Variants in TRMO observed in about 807,000 individuals in gnomAD.
TRMO encodes the protein tRNA methyltransferase O, also known as tRNA (adenine(37)-N6)-methyltransferase.
Under a neutral mutation model 37.2 loss-of-function variants are expected in TRMO, and 30 were observed. The observed-to-expected ratio is 0.81, with a 90% confidence interval of 0.60 to 1.09. The LOEUF is 1.09. Among genes scored for constraint, TRMO ranks in the 50% least tolerant of loss-of-function variants. The pLI, the probability that TRMO is intolerant of heterozygous loss-of-function variation, is 0.00. For missense variants in TRMO, 552 were observed against 549.5 expected (o/e 1.00, Z -0.05); for synonymous variants, 239 against 199.4 (o/e 1.20, Z -1.67).
At chr9:97,908,136 G>A (rs1564105429) in intron 4 of TRMO, among the ~76,000 whole-genome samples, 1 of 152,116 alleles carries the variant, frequency 6.6e-6, no homozygotes, top group Non-Finnish European at 1.5e-5. Context: ...AAATAGGTTG[G>A]GCACGGTGGC....
At chr9:97,907,166 G>A (rs763731894) in intron 4 of TRMO, among the ~76,000 whole-genome samples, 3 of 152,226 alleles carry the variant, frequency 2.0e-5, no homozygotes, top group Admixed American at 6.5e-5. Context: ...TCATGACCAC[G>A]AGACTGCCGT....
At chr9:97,900,198 A>G (rs1831140147), downstream of TRMO, among the ~76,000 whole-genome samples, 1 of 152,244 alleles carries the variant, frequency 6.6e-6, no homozygotes, top group African/African-American at 2.4e-5. Context: ...GAGAAACACA[A>G]TAAAAATATT....
At chr9:97,917,419 T>C (rs1587841487) in intron 1 of TRMO, among the ~76,000 whole-genome samples, 1 of 152,236 alleles carries the variant, frequency 6.6e-6, no homozygotes, top group African/African-American at 2.4e-5. Flanking sequence ...GCAGTTTTTC[T>C]GTCTCATTTA....
chr9:97,916,403 G>T, intron 1 of TRMO, 65 bp from the exon 2 acceptor site: 1 of 1,188,612 alleles, frequency 8.4e-7, no homozygotes, highest in African/African-American at 1.5e-5. Flanking sequence ...AAGAAAACAT[G>T]TTTTCTCTAA....
chr9:97,905,020 A>G, intron 4 of TRMO, 28 bp from the exon 5 acceptor site: 1 of 1,606,336 alleles, frequency 6.2e-7, no homozygotes, highest in Non-Finnish European at 8.5e-7. Flanking sequence ...CAACTTAATG[A>G]GCACTATCAT....
In TRMO at chr9:97,910,273, T is replaced by C; in HGVS notation, c.753A>G (p.Ala251=). ...QQAFPMHREI[A]VDFGLESRRD... is the part of the protein sequence containing the mutation. ...GTCTTGATTCCAAACCAAAATCCAC[T>C]GCTATCTCCCTGTGCATAGGAAATG... The change falls in exon 4 of 5, where the codon GCA becomes GCG. Residue 251 remains alanine (A), a synonymous_variant. Coordinates refer to ENST00000375119, the MANE Select transcript of TRMO (RefSeq NM_016481.5). 6.2e-7 allele frequency: 1 copy of C among 1,614,242 alleles called. No homozygotes were observed. Among genetic ancestry groups the C allele is most frequent in the South Asian group, 1.1e-5 (1 of 91,090 alleles).
At chr9:97,903,220 A>G (rs1271245161), downstream of TRMO, among the ~76,000 whole-genome samples, 2 of 152,124 alleles carry the variant, frequency 1.3e-5, no homozygotes, top group Non-Finnish European at 2.9e-5. Flanking sequence ...GTGAGCTATG[A>G]TCAGGCTACT....
At position 97,916,196 on chromosome 9, in the gene TRMO, G is replaced by C. The variant is rs1215051865; in HGVS notation, c.219C>G (p.Ser73=). Residue 73 remains serine, a synonymous_variant, in exon 2 of 5, where the codon TCC becomes TCG. Transcript: ENST00000375119. ...GAGAAAACTGTTCTAGGCCCATCAA[G>C]GAATGTTCAGGATTATTAAAGATCC... is the stretch of plus-strand genomic sequence containing the variant. ...RKRIFNNPEH[S]LMGLEQFSHV... 3.1e-6 allele frequency: 5 copies of C among 1,611,874 alleles called. No individual in the cohort carries two copies. The highest frequency in any genetic ancestry group is 3.4e-6 in the Non-Finnish European group (4 of 1,179,246).
chr9:97,916,031 T>C lies in TRMO; in HGVS notation c.251+133A>G, dbSNP rs530874491. 26 of 603,184 alleles carry C rather than the reference T, an allele frequency of 4.3e-5. No homozygotes were observed. The African/African-American group carries it at 4.8e-4, about 11-fold the overall frequency. The allele number at this position is 603,184 out of a possible 1,614,324, so 37.4% of individuals were successfully genotyped here. A position where few individuals can be genotyped will look rare whatever the true frequency, so the allele number is the denominator to read the frequency against. ...ACTCCAACCTGGGTGACAGAGACCC[T>C]GACTCAAAAACAAAACAAAACAAAG... On this transcript the variant is annotated intron_variant, in intron 2 of 4. Transcript: ENST00000375119.
chr9:97,906,340 A>G (rs1334630421), intron 4 of TRMO, among the ~76,000 whole-genome samples: 2 of 151,956 alleles, frequency 1.3e-5, no homozygotes, highest in Non-Finnish European at 2.9e-5. Context: ...CCTTCCCCCA[A>G]TTCCCTGCCT....
chr9:97,912,913 T>A lies in TRMO; in HGVS notation c.409+488A>T, dbSNP rs752969489. 2.3e-6 allele frequency: 3 copies of A among 1,304,120 alleles called. No individual in the cohort carries two copies. The African/African-American group carries it at 4.6e-5, about 20-fold the overall frequency. 80.8% of individuals were successfully genotyped at this position (1,304,120 alleles called of 1,614,324 possible). On this transcript the variant is annotated intron_variant, in intron 3 of 4. Coordinates refer to ENST00000375119, the MANE Select transcript of TRMO (RefSeq NM_016481.5). ...CCTTGTAGTGTGATTCATCCCAGAC[T>A]CCTGCCACACAGCACAGTTGACATC...
At chr9:97,897,464 C>G in the TRMO span, among the ~76,000 whole-genome samples, 1 of 152,086 alleles carries the variant, frequency 6.6e-6, no homozygotes, top group African/African-American at 2.4e-5. Context: ...ATGTAAAGAC[C>G]AATCTTAGAT....
At chr9:97,920,569 G>C (rs1826578898) in intron 1 of TRMO, among the ~76,000 whole-genome samples, 2 of 152,180 alleles carry the variant, frequency 1.3e-5, no homozygotes, top group Admixed American at 6.5e-5. Flanking sequence ...GCCCAGCAAG[G>C]AGTGCTTTTT....
rs1826067422 is a variant in TRMO at position 97,910,465 on chromosome 9, A to G, written c.561T>C (p.Thr187=). 6.2e-7 allele frequency: 1 copy of G among 1,614,166 alleles called. No homozygotes were observed. Among genetic ancestry groups the G allele is most frequent in the African/African-American group, 1.3e-5 (1 of 75,038 alleles). ...NLQNNQHTPN[T]VSQSDSKTDS... Reference sequence around the variant, plus strand: ...CAGTCTTGCTGTCAGACTGGGACACAGTGTTTGGTGTATGTTGGTTATTCT... The same window carrying G: ...CAGTCTTGCTGTCAGACTGGGACACGGTGTTTGGTGTATGTTGGTTATTCT... The change falls in exon 4 of 5, where the codon ACT becomes ACC. Residue 187 remains threonine (T), a synonymous_variant. Coordinates refer to ENST00000375119, the MANE Select transcript of TRMO (RefSeq NM_016481.5).
downstream of TRMO, among the ~76,000 whole-genome samples, chr9:97,901,253 G>GTTTCC (rs59572518): frequency 0.72 from 109,817 of 151,570 alleles, 41,149 homozygotes; most frequent in East Asian, 0.92. Context: ...GTAGAGAATT[G>GTTTCC]TTTCTTCTCT....
At chr9:97,905,463 C>T (rs1587828294) in intron 4 of TRMO, among the ~76,000 whole-genome samples, 1 of 152,200 alleles carries the variant, frequency 6.6e-6, no homozygotes, top group African/African-American at 2.4e-5. Context: ...AGAGAGGCTG[C>T]ACCAGAAAGC....
chr9:97,909,108 CCAA>C (rs1397951095), intron 4 of TRMO, among the ~76,000 whole-genome samples: 1 of 152,132 alleles, frequency 6.6e-6, no homozygotes, highest in African/African-American at 2.4e-5. Flanking sequence ...GCACCTGCCA[CCAA>C]AACTGGCTTT....
chr9:97,910,714 T>C, intron 3 of TRMO, 98 bp from the exon 4 acceptor site: 1 of 1,344,920 alleles, frequency 7.4e-7, no homozygotes, highest in Non-Finnish European at 1.0e-6. Context: ...TACGCCTCAC[T>C]GCACTTACTC....
chr9:97,907,456 C>T (rs1249041328), intron 4 of TRMO, among the ~76,000 whole-genome samples: 2 of 152,160 alleles, frequency 1.3e-5, no homozygotes, highest in African/African-American at 2.4e-5. Flanking sequence ...GCCAAATACC[C>T]CCCTAGCCTC....
Sources: gnomAD v4.1 joint callset for allele counts (sites outside exome capture counted in the v4.1 genomes callset) on GRCh38, gnomAD v4.1.1 for gene constraint, MANE v1.5 for transcripts, NCBI Gene and HGNC (gene_info 2026-07-23, HGNC 2026-07-21) for gene names.